The following BORA variants were observed in gnomAD, a reference collection of about 807,000 sequenced individuals.
BORA encodes the protein BORA aurora kinase A activator.
Under a neutral mutation model 55.8 loss-of-function variants are expected in BORA, and 26 were observed. That is an observed-to-expected ratio of 0.47 (90% CI 0.34 to 0.65). BORA has a LOEUF of 0.65. Among genes scored for constraint, BORA ranks in the 30% least tolerant of loss-of-function variants. BORA has a pLI of 0.01. For missense variants in BORA, 568 were observed against 671.5 expected (o/e 0.85, Z 1.70); for synonymous variants, 201 against 216.9 (o/e 0.93, Z 0.64).
intron 5 of BORA, among the ~76,000 whole-genome samples, chr13:72,739,693 C>T (rs1427650609): frequency 6.6e-6 from 1 of 152,146 alleles, no homozygotes; most frequent in Non-Finnish European, 1.5e-5. Flanking sequence ...CATTGTGTGT[C>T]CACCAGCCAC....
chr13:72,748,509 G>A (rs1384638789), intron 10 of BORA, among the ~76,000 whole-genome samples: 1 of 152,096 alleles, frequency 6.6e-6, no homozygotes, highest in Non-Finnish European at 1.5e-5. Flanking sequence ...GATTCTAAAT[G>A]ACCCAAAATT....
At chr13:72,753,659 C>A (rs2033344099) in intron 10 of BORA, 31 bp from the exon 11 acceptor site, 1 of 1,596,174 alleles carries the variant, frequency 6.3e-7, no homozygotes, top group Non-Finnish European at 8.5e-7. Context: ...AAGTTCCTCA[C>A]AATATATTTT....
At chr13:72,745,461 T>C (rs898349350) in intron 8 of BORA, among the ~76,000 whole-genome samples, 3 of 152,170 alleles carry the variant, frequency 2.0e-5, no homozygotes, top group African/African-American at 7.2e-5. Flanking sequence ...GGAGGGATGG[T>C]TGTCTTTTGA....
Position 72,746,750 on chromosome 13 carries a change from C to T in BORA, c.1121C>T (p.Ser374Leu), listed in dbSNP as rs773555378. Residue 374 changes from serine (S) to leucine (L), a missense_variant, in exon 10 of 12, where the codon TCA (serine) becomes TTA (leucine). Coordinates refer to ENST00000390667, the MANE Select transcript of BORA (RefSeq NM_024808.5). ...GAGAATATTCCTTCCACAGATGTCT[C>T]ATCACCCGCCATGGATGCTGCTGGA... ...DKENIPSTDV[S>L]SPAMDAAGIH... 1 of 1,614,122 alleles carries T rather than the reference C, an allele frequency of 6.2e-7. No homozygotes were observed. Among genetic ancestry groups the T allele is most frequent in the Admixed American group, 1.7e-5 (1 of 60,012 alleles).
At chr13:72,749,577 ATTGAG>A (rs1270702546) in intron 10 of BORA, among the ~76,000 whole-genome samples, 4 of 151,218 alleles carry the variant, frequency 2.6e-5, no homozygotes. Context: ...TAACCTTTCT[ATTGAG>A]TTTTTTATTT....
intron 2 of BORA, among the ~76,000 whole-genome samples, chr13:72,730,527 G>A (rs1398507459): frequency 6.6e-6 from 1 of 152,142 alleles, no homozygotes; most frequent in Admixed American, 6.5e-5. Context: ...ATTATTTTAA[G>A]GATCAACTAT....
rs1006978114 is a variant in BORA at position 72,755,059 on chromosome 13, C to T, written c.1615-92C>T. ...TCCCTTCAGAGTTCAGCTAAAGAAA[C>T]GTGCTTTTAGGTTTTAAAAACAGTC... On this transcript the variant is annotated intron_variant, in intron 11 of 11. Coordinates refer to ENST00000390667, the MANE Select transcript of BORA (RefSeq NM_024808.5). 4.8e-5 allele frequency: 48 copies of T among 994,582 alleles called. No homozygotes were observed. In the Admixed American group the frequency reaches 6.4e-4, roughly 13 times the overall value. The allele number at this position is 994,582 out of a possible 1,614,324, so 61.6% of individuals were successfully genotyped here. A position where few individuals can be genotyped will look rare whatever the true frequency, so the allele number is the denominator to read the frequency against.
At chr13:72,743,399 T>C in intron 5 of BORA, 138 bp from the exon 6 acceptor site, 1 of 486,800 alleles carries the variant, frequency 2.1e-6, no homozygotes, top group Non-Finnish European at 3.6e-6. Flanking sequence ...CATACCAAAA[T>C]ATATACTTAT....
At chr13:72,733,575 T>G (rs946348569) in intron 3 of BORA, among the ~76,000 whole-genome samples, 10 of 152,226 alleles carry the variant, frequency 6.6e-5, no homozygotes, top group Non-Finnish European at 1.5e-4. Context: ...AAAAGGTTTC[T>G]GAATGCAGTA....
At chr13:72,744,899 G>A in intron 7 of BORA, 82 bp from the exon 8 acceptor site, 2 of 1,310,650 alleles carry the variant, frequency 1.5e-6, no homozygotes, top group South Asian at 2.5e-5. Flanking sequence ...AGTGCATGCT[G>A]GCTTCTTAAA....
At position 72,746,666 on chromosome 13, in the gene BORA, C is replaced by T. The variant is rs1378536546; in HGVS notation, c.1037C>T (p.Thr346Ile). ...TATAGTGGTGGTACTCAGTATCGGA[C>T]CTCAGTGATTCAGATACCTTTTACT... ...QMYSGGTQYRTSVIQIPFTLE... is the reference protein window; with the variant it reads ...QMYSGGTQYRISVIQIPFTLE... Residue 346 changes from threonine to isoleucine, a missense_variant, in exon 10 of 12, where the codon ACC becomes ATC. Physicochemically the swap from Thr to Ile is moderately conservative, Grantham distance 89 (BLOSUM62 -1). Coordinates refer to ENST00000390667, the MANE Select transcript of BORA (RefSeq NM_024808.5). 6.2e-7 allele frequency: 1 copy of T among 1,614,018 alleles called. No homozygotes were observed. Among genetic ancestry groups the T allele is most frequent in the South Asian group, 1.1e-5 (1 of 91,082 alleles).
chr13:72,755,225 T>G lies in BORA; in HGVS notation c.*9T>G. On this transcript the variant is annotated 3_prime_UTR_variant, in exon 12 of 12. Coordinates refer to ENST00000390667, the MANE Select transcript of BORA (RefSeq NM_024808.5). ...AATGCAGCAGTCCATAGAATGCCTC[T>G]GTCAGAATCAAAGACTAAGCTTAAG... The G allele has an allele frequency of 6.2e-7, 1 of 1,602,924 alleles. No homozygotes were observed. Among genetic ancestry groups the G allele is most frequent in the Non-Finnish European group, 8.5e-7 (1 of 1,170,370 alleles).
rs958855912 is a variant in BORA, at chr13:72,746,638, A to T, written c.1009A>T (p.Met337Leu). 17 of 1,613,978 alleles carry T rather than the reference A, an allele frequency of 1.1e-5. No homozygotes were observed. Among genetic ancestry groups the T allele is most frequent in the Non-Finnish European group, 1.4e-5 (17 of 1,180,000 alleles). The change falls in exon 10 of 12, where the codon ATG (methionine) becomes TTG (leucine). Residue 337 changes from methionine to leucine, a missense_variant. By Grantham distance (15) the Met-to-Leu change is conservative. Coordinates refer to ENST00000390667, the MANE Select transcript of BORA (RefSeq NM_024808.5). ...AAATTGGTCTCCTATGAGACTTCAG[A>T]TGTATAGTGGTGGTACTCAGTATCG... ...IKNWSPMRLQ[M>L]YSGGTQYRTS...
In BORA at chr13:72,745,102, T is replaced by G. The variant is rs775938909; in HGVS notation, c.633T>G (p.Ala211=). 3.1e-6 allele frequency: 5 copies of G among 1,614,164 alleles called. No individual in the cohort carries two copies. Among genetic ancestry groups the G allele is most frequent in the Non-Finnish European group, 4.2e-6 (5 of 1,179,984 alleles). The part of the protein sequence containing the change: ...NGSISDSLPS[A]SPGSPHSGVQ... ...GCATCTCCGACTCCTTACCTTCGGC[T>G]TCTCCCGGAAGTCCTCACAGTGGTG... The change falls in exon 8 of 12, where the codon GCT becomes GCG. Residue 211 remains alanine (A), a synonymous_variant. Transcript: ENST00000390667.
intron 2 of BORA, among the ~76,000 whole-genome samples, chr13:72,730,111 A>G (rs1010426637): frequency 4.6e-5 from 7 of 151,892 alleles, no homozygotes; most frequent in Non-Finnish European, 1.0e-4. Context: ...ATCTTATTTT[A>G]CTGTTATTTG....
intron 2 of BORA, among the ~76,000 whole-genome samples, chr13:72,730,226 T>TA: frequency 6.6e-6 from 1 of 152,352 alleles, no homozygotes; most frequent in Non-Finnish European, 1.5e-5. Context: ...ATACAGGTTT[T>TA]ACAATGAGCA....
chr13:72,746,198 A>G lies in BORA; in HGVS notation c.871+122A>G, dbSNP rs2033137175. The G allele has an allele frequency of 1.0e-5, 10 of 984,022 alleles. No homozygotes were observed. In the South Asian group the frequency reaches 1.7e-4, roughly 17 times the overall value. 61.0% of individuals were successfully genotyped at this position (984,022 alleles called of 1,614,324 possible). A position where few individuals can be genotyped will look rare whatever the true frequency, so the allele number is the denominator to read the frequency against. On this transcript the variant is annotated intron_variant, in intron 9 of 11. Coordinates refer to ENST00000390667, the MANE Select transcript of BORA (RefSeq NM_024808.5). ...AATGATCACTAACCTTCTAACATTTAGGAACTTTGATTTTTAAATAAAAGA... is the reference window on the plus strand; with the variant it reads ...AATGATCACTAACCTTCTAACATTTGGGAACTTTGATTTTTAAATAAAAGA...
In BORA at chr13:72,729,000, TG is replaced by T. The variant is rs1189795673; in HGVS notation, c.61del (p.Val21PhefsTer2). On this transcript the variant is annotated frameshift_variant, in exon 2 of 12. Transcript: ENST00000390667. LOFTEE classifies it high-confidence loss of function. The stretch of plus-strand genomic sequence containing the variant: ...CACCAGAAACTCCAGGAAGGATCCC[TG>T]TTTTAAATCCTTTTGAAAGTCCTAG... ...ITPETPGRIPVLNPFESPSDY... is the reference protein window; with the variant it reads ...ITPETPGRIPXLNPFESPSDY... 6.2e-7 allele frequency: 1 copy of T among 1,610,732 alleles called. No homozygotes were observed. The highest frequency in any genetic ancestry group is 2.2e-5 in the East Asian group (1 of 44,642).
At chr13:72,743,643 T>G in intron 6 of BORA, 41 bp downstream of exon 6, 1 of 1,469,564 alleles carries the variant, frequency 6.8e-7, no homozygotes, top group Non-Finnish European at 9.4e-7. Flanking sequence ...TGTTCCATAT[T>G]AAGCTACATT....
Sources: gnomAD v4.1 joint callset for allele counts (sites outside exome capture counted in the v4.1 genomes callset) on GRCh38, gnomAD v4.1.1 for gene constraint, MANE v1.5 for transcripts, NCBI Gene and HGNC (gene_info 2026-07-23, HGNC 2026-07-21) for gene names.